Variants in PIK3C2G observed in about 807,000 individuals in gnomAD.
PIK3C2G encodes phosphatidylinositol-4-phosphate 3-kinase catalytic subunit type 2 gamma.
PIK3C2G carries 168 observed loss-of-function variants against 181.1 expected under a neutral mutation model. The observed-to-expected ratio is 0.93, with a 90% confidence interval of 0.82 to 1.05. The LOEUF (loss-of-function observed/expected upper bound fraction) is 1.05. PIK3C2G is among the 50% of genes least tolerant of loss of function. The pLI is 0.00. For synonymous variants in PIK3C2G, 573 were observed against 592.2 expected (o/e 0.97, Z 0.47); for missense variants, 1,869 against 1,732.8 (o/e 1.08, Z -1.40).
rs527645884 is a variant in PIK3C2G at position 18,622,627 on chromosome 12, T to C, written c.4182+12998T>C. On this transcript the variant is annotated intron_variant, in intron 31 of 32. Coordinates refer to ENST00000538779, the MANE Select transcript of PIK3C2G (RefSeq NM_001288772.2). ...TCTTGTTTTTAGTTTCTGAGGAACT[T>C]CCATACTGTTTTTAAAAATGGTTGT... Among the ~76,000 whole-genome samples, 244 of 152,060 alleles carry C rather than the reference T, an allele frequency of 1.6e-3. 2 individuals are homozygous for C. The highest frequency in any genetic ancestry group is 5.4e-3 in the African/African-American group (224 of 41,564).
the PIK3C2G span, among the ~76,000 whole-genome samples, chr12:18,658,819 C>T: frequency 6.6e-6 from 1 of 152,118 alleles, no homozygotes; most frequent in Admixed American, 6.6e-5. Flanking sequence ...ACAATAGAAT[C>T]TAATTCACCT....
intron 18 of PIK3C2G, among the ~76,000 whole-genome samples, chr12:18,488,099 T>C (rs1940229183): frequency 6.6e-6 from 1 of 152,140 alleles, no homozygotes; most frequent in African/African-American, 2.4e-5. Flanking sequence ...CAGTCACTTA[T>C]AAAAACTATT....
chr12:18,544,907 A>G (rs1944343833), intron 25 of PIK3C2G, among the ~76,000 whole-genome samples: 1 of 151,834 alleles, frequency 6.6e-6, no homozygotes, highest in African/African-American at 2.4e-5. Context: ...TCTACTTCCT[A>G]CATTTATTTA....
At chr12:18,516,261 G>GTTTTTTTTTTTTTTTTTTTTTGTTTTT (rs34294540) in intron 24 of PIK3C2G, among the ~76,000 whole-genome samples, 1 of 138,374 alleles carries the variant, frequency 7.2e-6, no homozygotes, top group Non-Finnish European at 1.6e-5. Context: ...TTGACTGATG[G>GTTTTTTTTTTTTTTTTTTTTTGTTTTT]TTTTTTTTTT....
chr12:18,526,553 A>G (rs1943245784), intron 24 of PIK3C2G, among the ~76,000 whole-genome samples: 2 of 152,112 alleles, frequency 1.3e-5, no homozygotes, highest in Admixed American at 1.3e-4. Flanking sequence ...AGAGGGTACG[A>G]TTTTTCTAAA....
chr12:18,542,845 T>C (rs555378778), intron 25 of PIK3C2G, among the ~76,000 whole-genome samples: 1 of 152,166 alleles, frequency 6.6e-6, no homozygotes, highest in Admixed American at 6.6e-5. Context: ...GTCTTTGCTA[T>C]TGTAAATAGT....
intron 24 of PIK3C2G, among the ~76,000 whole-genome samples, chr12:18,513,705 A>G (rs1180698732): frequency 6.6e-6 from 1 of 151,698 alleles, no homozygotes; most frequent in African/African-American, 2.4e-5. Context: ...TTAGTCTAGT[A>G]AGCAGTTTGT....
At chr12:18,605,822 T>A (rs1947984512) in intron 30 of PIK3C2G, among the ~76,000 whole-genome samples, 3 of 152,134 alleles carry the variant, frequency 2.0e-5, no homozygotes, top group Non-Finnish European at 4.4e-5. Context: ...TTCTTGACTC[T>A]CTACAGCATG....
intron 11 of PIK3C2G, among the ~76,000 whole-genome samples, chr12:18,362,148 T>C (rs975305494): frequency 6.6e-6 from 1 of 152,146 alleles, no homozygotes; most frequent in African/African-American, 2.4e-5. Context: ...TTGGGTTTTT[T>C]TAAAAAAATC....
At chr12:18,607,268 C>A in intron 30 of PIK3C2G, 1 of 459,166 alleles carries the variant, frequency 2.2e-6, no homozygotes, top group Non-Finnish European at 4.3e-6. Flanking sequence ...AATAGTAGAG[C>A]CTGTTTGTAG....
intron 30 of PIK3C2G, among the ~76,000 whole-genome samples, chr12:18,603,740 A>G (rs1426435198): frequency 6.6e-6 from 1 of 152,186 alleles, no homozygotes; most frequent in African/African-American, 2.4e-5. Flanking sequence ...CAAAACAATT[A>G]TCAGCCAAGA....
intron 31 of PIK3C2G, among the ~76,000 whole-genome samples, chr12:18,615,375 G>GTGTGTGTATGCA (rs1555150547): frequency 3.3e-5 from 3 of 89,580 alleles, no homozygotes; most frequent in African/African-American, 9.2e-5. Context: ...GTGTGTATGT[G>GTGTGTGTATGCA]TATATATATA....
intron 26 of PIK3C2G, among the ~76,000 whole-genome samples, chr12:18,556,981 T>C (rs748221255): frequency 2.2e-4 from 33 of 152,148 alleles, no homozygotes; most frequent in Non-Finnish European, 4.1e-4. Context: ...TTAAACATAA[T>C]TGAAGTACAT....
At chr12:18,701,617 C>CCTCCTCCTT in the PIK3C2G span, 1 of 303,246 alleles carries the variant, frequency 3.3e-6, no homozygotes, top group East Asian at 3.1e-4. Context: ...TCCTCCTCCT[C>CCTCCTCCTT]CTCCTCCTCC....
chr12:18,700,737 T>TA, the PIK3C2G span, among the ~76,000 whole-genome samples: 1 of 152,130 alleles, frequency 6.6e-6, no homozygotes, highest in Non-Finnish European at 1.5e-5. Context: ...ACTTTTCATC[T>TA]ATGTAGGCCA....
At chr12:18,497,099 C>T (rs951043186) in intron 21 of PIK3C2G, among the ~76,000 whole-genome samples, 16 of 152,094 alleles carry the variant, frequency 1.1e-4, no homozygotes, top group African/African-American at 3.6e-4. Flanking sequence ...CTCTGAAAAC[C>T]TTTTAACTAT....
At chr12:18,421,306 A>T (rs1055682570) in intron 17 of PIK3C2G, among the ~76,000 whole-genome samples, 2 of 152,092 alleles carry the variant, frequency 1.3e-5, no homozygotes, top group African/African-American at 4.8e-5. Context: ...ATACAAATTT[A>T]TAAATATGTA....
chr12:18,303,115 C>CTTCTTTCTTTCTTTCTTTTTCTTTCT (rs1950254751), intron 5 of PIK3C2G, among the ~76,000 whole-genome samples: 1 of 136,604 alleles, frequency 7.3e-6, no homozygotes, highest in East Asian at 2.2e-4. Flanking sequence ...TCTTTCTTTC[C>CTTCTTTCTTTCTTTCTTTTTCTTTCT]TTCTTTCTTT....
chr12:18,494,533 T>C (rs897063257), intron 20 of PIK3C2G, among the ~76,000 whole-genome samples: 4 of 152,134 alleles, frequency 2.6e-5, no homozygotes, highest in African/African-American at 9.7e-5. Context: ...ATCACTCAAA[T>C]ATATACCGCA....
Sources: allele counts gnomAD v4.1 joint callset (sites outside exome capture counted in the v4.1 genomes callset), GRCh38; gene constraint gnomAD v4.1.1; transcripts MANE v1.5; gene names NCBI Gene and HGNC (gene_info 2026-07-23, HGNC 2026-07-21).